Variants in NMNAT3 observed in about 807,000 individuals in gnomAD.
NMNAT3 encodes the protein nicotinamide nucleotide adenylyltransferase 3, also known as nicotinamide/nicotinic acid mononucleotide adenylyltransferase 3.
A neutral mutation model predicts 24.8 loss-of-function variants in NMNAT3; 21 were observed. That is an observed-to-expected ratio of 0.85 (90% CI 0.60 to 1.22). The LOEUF (loss-of-function observed/expected upper bound fraction) is 1.22. NMNAT3 is among the 50% of genes most tolerant of loss of function. NMNAT3 has a pLI of 0.00. For synonymous variants in NMNAT3, 136 were observed against 155.2 expected, an observed-to-expected ratio of 0.88 and a Z score of 0.92; for missense variants, 387 against 436.6, an observed-to-expected ratio of 0.89 and a Z score of 1.01.
intron 3 of NMNAT3, among the ~76,000 whole-genome samples, chr3:139,602,148 T>C (rs992299325): frequency 1.3e-5 from 2 of 152,230 alleles, no homozygotes; most frequent in African/African-American, 4.8e-5. Context: ...ATTTTATGGA[T>C]AAAATTTAAA....
At chr3:139,567,138 G>T (rs1937360380) in intron 6 of NMNAT3, 1 of 152,274 alleles carries the variant, frequency 6.6e-6, no homozygotes, top group East Asian at 1.9e-4. Flanking sequence ...GTGAATGGGA[G>T]TTCACTCACG....
chr3:139,620,995 C>G (rs1043788619), intron 3 of NMNAT3, among the ~76,000 whole-genome samples: 9 of 152,262 alleles, frequency 5.9e-5, no homozygotes, highest in African/African-American at 1.9e-4. Flanking sequence ...TAGGATCTTG[C>G]TATGTCGCCC....
intron 4 of NMNAT3, among the ~76,000 whole-genome samples, chr3:139,579,373 A>T (rs1379044287): frequency 2.6e-5 from 4 of 152,188 alleles, no homozygotes; most frequent in African/African-American, 9.6e-5. Context: ...GGATCAGGAT[A>T]TAGTTGAGGA....
intron 1 of NMNAT3, among the ~76,000 whole-genome samples, chr3:139,676,952 T>G (rs1234904362): frequency 6.6e-6 from 1 of 152,148 alleles, no homozygotes; most frequent in Non-Finnish European, 1.5e-5. Context: ...CATTCACCAT[T>G]TCCATTCTCA....
At chr3:139,638,207 G>GT (rs1026482751) in intron 1 of NMNAT3, 145 bp from the exon 2 acceptor site, 2 of 152,230 alleles carry the variant, frequency 1.3e-5, no homozygotes, top group African/African-American at 4.8e-5. Context: ...CTAATCTGGG[G>GT]TGTCAGTTCC....
At chr3:139,567,928 C>T (rs1471851960) in intron 6 of NMNAT3, 1 of 152,220 alleles carries the variant, frequency 6.6e-6, no homozygotes, top group Non-Finnish European at 1.5e-5. Context: ...ACCAGCTCCT[C>T]TTTGTACCTC....
intron 2 of NMNAT3, among the ~76,000 whole-genome samples, chr3:139,629,349 G>A (rs2056192715): frequency 6.6e-6 from 1 of 152,218 alleles, no homozygotes; most frequent in Non-Finnish European, 1.5e-5. Flanking sequence ...GTTTTCAGAT[G>A]TGATTGCAGC....
chr3:139,600,716 C>T (rs1452354987), intron 3 of NMNAT3, among the ~76,000 whole-genome samples: 1 of 152,134 alleles, frequency 6.6e-6, no homozygotes, highest in African/African-American at 2.4e-5. Flanking sequence ...TTTCCTGTTC[C>T]TTTCTCTGCA....
intron 1 of NMNAT3, among the ~76,000 whole-genome samples, chr3:139,666,849 G>A (rs1012078885): frequency 6.6e-6 from 1 of 152,086 alleles, no homozygotes; most frequent in Non-Finnish European, 1.5e-5. Flanking sequence ...TTTTCTTTCT[G>A]TGCCTGGCTT....
intron 1 of NMNAT3, among the ~76,000 whole-genome samples, chr3:139,648,781 A>G (rs938195357): frequency 6.6e-6 from 1 of 152,224 alleles, no homozygotes; most frequent in African/African-American, 2.4e-5. Context: ...ATGTAATACT[A>G]TGCAGCTATT....
At chr3:139,592,757 ACAAG>A (rs1403901216) in intron 3 of NMNAT3, among the ~76,000 whole-genome samples, 3 of 152,202 alleles carry the variant, frequency 2.0e-5, no homozygotes, top group Non-Finnish European at 4.4e-5. Context: ...TCCTTTACAG[ACAAG>A]CAAATGCTGA....
intron 1 of NMNAT3, among the ~76,000 whole-genome samples, chr3:139,665,750 G>GAC (rs1286496018): frequency 6.6e-6 from 1 of 150,900 alleles, no homozygotes; most frequent in Non-Finnish European, 1.5e-5. Flanking sequence ...GAGAGAGAGA[G>GAC]AGAGAGAGAC....
At chr3:139,665,890 G>T (rs1279146716) in intron 1 of NMNAT3, among the ~76,000 whole-genome samples, 2 of 152,034 alleles carry the variant, frequency 1.3e-5, no homozygotes, top group Non-Finnish European at 2.9e-5. Context: ...AACTCTGAAA[G>T]CATATAAAAA....
chr3:139,567,131 A>T (rs1422949744), intron 6 of NMNAT3: 1 of 152,128 alleles, frequency 6.6e-6, no homozygotes, highest in Non-Finnish European at 1.5e-5. Context: ...AGCAATTGTG[A>T]ATGGGAGTTC....
chr3:139,643,298 G>T (rs532846541), intron 1 of NMNAT3, among the ~76,000 whole-genome samples: 1 of 152,310 alleles, frequency 6.6e-6, no homozygotes, highest in East Asian at 1.9e-4. Flanking sequence ...ATAGAAAACA[G>T]TATGGAGGTT....
At chr3:139,581,960 CG>C (rs1375372057) in intron 4 of NMNAT3, among the ~76,000 whole-genome samples, 2 of 150,752 alleles carry the variant, frequency 1.3e-5, no homozygotes, top group Non-Finnish European at 3.0e-5. Context: ...TTTGGGAGGC[CG>C]GGGTGGGGGG....
chr3:139,585,097 G>A (rs1385017055), intron 3 of NMNAT3, among the ~76,000 whole-genome samples: 1 of 151,826 alleles, frequency 6.6e-6, no homozygotes, highest in Non-Finnish European at 1.5e-5. Context: ...TCAATTTGAT[G>A]CTGTTGTTGA....
rs1350279969 is a variant in NMNAT3 at position 139,677,871 on chromosome 3, C to T, written c.-307G>A. 6.6e-6 allele frequency: 1 copy of T among 152,180 alleles called. No individual in the cohort carries two copies. Among genetic ancestry groups the T allele is most frequent in the Non-Finnish European group, 1.5e-5 (1 of 68,048 alleles). The allele number at this position is 152,180 out of a possible 1,614,324, so 9.4% of individuals were successfully genotyped here. On this transcript the variant is annotated 5_prime_UTR_variant, in exon 1 of 7. Transcript: ENST00000643695. Reference sequence around the variant, plus strand: ...CTCGGGACTCAAGGCTGCCTCCGGCCCGGGCAGCCTCAGGTCTAGATCCCC... The same window carrying T: ...CTCGGGACTCAAGGCTGCCTCCGGCTCGGGCAGCCTCAGGTCTAGATCCCC...
chr3:139,625,147 A>G (rs1330035392), intron 3 of NMNAT3, among the ~76,000 whole-genome samples: 1 of 152,214 alleles, frequency 6.6e-6, no homozygotes, highest in Non-Finnish European at 1.5e-5. Context: ...CTGTATTACT[A>G]TAGCCACTTC....
Sources: gnomAD v4.1 joint callset for allele counts (sites outside exome capture counted in the v4.1 genomes callset) on GRCh38, gnomAD v4.1.1 for gene constraint, MANE v1.5 for transcripts, NCBI Gene and HGNC (gene_info 2026-07-23, HGNC 2026-07-21) for gene names.